COL19A1: variants seen among roughly 807,000 people sequenced by gnomAD.
COL19A1 encodes the protein collagen alpha-1(XIX) chain.
COL19A1 carries 159 observed loss-of-function variants against 190.2 expected under a neutral mutation model. The ratio of observed to expected loss-of-function variants is 0.84; its 90% CI spans 0.73 to 0.95. The LOEUF is 0.95. Ranked by LOEUF, COL19A1 falls within the 40% of genes least tolerant of loss-of-function variation. COL19A1 has a pLI of 0.00. For synonymous variants in COL19A1, 509 were observed against 458.9 expected, an observed-to-expected ratio of 1.11 and a Z score of -1.39; for missense variants, 1,418 against 1,431.9, an observed-to-expected ratio of 0.99 and a Z score of 0.16.
In COL19A1 at chr6:70,163,204, G is replaced by T. The variant is rs76975126; in HGVS notation, c.2347-139G>T. On this transcript the variant is annotated intron_variant, in intron 35 of 50. Transcript: ENST00000620364. The stretch of plus-strand genomic sequence containing the variant: ...CAGGATACAGCTGCTGTATCAGCCA[G>T]AAGAAACATAAGCTTCTAGGGCTTA... 563 of 742,974 alleles carry T rather than the reference G, an allele frequency of 7.6e-4. 1 individual carries two copies. The African/African-American group carries it at 9.2e-3, about 12-fold the overall frequency. 46.0% of individuals were successfully genotyped at this position (742,974 alleles called of 1,614,324 possible). A position where few individuals can be genotyped will look rare whatever the true frequency, so the allele number is the denominator to read the frequency against.
intron 14 of COL19A1, among the ~76,000 whole-genome samples, chr6:70,046,151 C>G (rs1779903007): frequency 6.6e-6 from 1 of 152,186 alleles, no homozygotes; most frequent in African/African-American, 2.4e-5. Flanking sequence ...TTTACTTATT[C>G]TATTGACCTT....
intron 49 of COL19A1, 37 bp from the exon 50 acceptor site, chr6:70,206,863 CT>C (rs779969265): frequency 4.4e-6 from 7 of 1,585,202 alleles, no homozygotes; most frequent in Non-Finnish European, 6.0e-6. Context: ...CCATAGAACC[CT>C]TTTTGTGTGT....
chr6:70,035,753 T>C (rs1344806305), intron 13 of COL19A1, 151 bp from the exon 14 acceptor site: 3 of 601,608 alleles, frequency 5.0e-6, no homozygotes, highest in African/African-American at 3.7e-5. Context: ...TGATATATTT[T>C]CTTTATGCAG....
Position 69,932,920 on chromosome 6 carries a change from C to CA in COL19A1, c.747+58dup, listed in dbSNP as rs1223072974. 8 of 1,207,304 alleles carry CA rather than the reference C, an allele frequency of 6.6e-6. No individual in the cohort carries two copies. The African/African-American group carries it at 1.1e-4, about 16-fold the overall frequency. 74.8% of individuals were successfully genotyped at this position (1,207,304 alleles called of 1,614,324 possible). A position where few individuals can be genotyped will look rare whatever the true frequency, so the allele number is the denominator to read the frequency against. Reference sequence around the variant, plus strand: ...AAGAACGCCAATTATCTTTTAGTGGCATAGTTTGTAGAGTCCAAATGTAGG... The same window carrying CA: ...AAGAACGCCAATTATCTTTTAGTGGCAATAGTTTGTAGAGTCCAAATGTAGG... On this transcript the variant is annotated intron_variant, in intron 7 of 50. Coordinates refer to ENST00000620364, the MANE Select transcript of COL19A1 (RefSeq NM_001858.6).
chr6:70,100,500 C>T (rs1265166428), intron 15 of COL19A1, among the ~76,000 whole-genome samples: 3 of 150,994 alleles, frequency 2.0e-5, no homozygotes, highest in Admixed American at 6.6e-5. Flanking sequence ...TAAGAGAAAA[C>T]ACTACTATTA....
At chr6:70,175,680 T>C (rs1021257817) in intron 41 of COL19A1, among the ~76,000 whole-genome samples, 15 of 152,132 alleles carry the variant, frequency 9.9e-5, no homozygotes, top group Non-Finnish European at 2.1e-4. Context: ...TCTTTATTAT[T>C]ATTCTTTTAA....
chr6:70,059,158 T>A (rs1252692311), intron 14 of COL19A1, among the ~76,000 whole-genome samples: 1 of 152,152 alleles, frequency 6.6e-6, no homozygotes, highest in Non-Finnish European at 1.5e-5. Context: ...TTCAAGTCTA[T>A]GAAGCATATT....
intron 48 of COL19A1, among the ~76,000 whole-genome samples, chr6:70,191,659 G>T (rs914120725): frequency 1.3e-5 from 2 of 152,122 alleles, no homozygotes; most frequent in African/African-American, 4.8e-5. Context: ...TATTTGCAAG[G>T]AATTGACAGT....
Position 69,963,189 on chromosome 6 carries a change from T to C in COL19A1, c.1026+319T>C, listed in dbSNP as rs1463825028. Among the ~76,000 whole-genome samples the C allele has an allele frequency of 7.9e-5, 12 of 152,332 alleles. No homozygotes were observed. The East Asian group carries it at 2.3e-3, about 29-fold the overall frequency. Reference sequence around the variant, plus strand: ...CATTCACTCACTAAGTATCCAATTATTTAAATAAATGTTTGTTTTTATGTA... The same window carrying C: ...CATTCACTCACTAAGTATCCAATTACTTAAATAAATGTTTGTTTTTATGTA... On this transcript the variant is annotated intron_variant, in intron 11 of 50. Transcript: ENST00000620364.
chr6:69,946,520 G>C (rs188447878), intron 9 of COL19A1, among the ~76,000 whole-genome samples: 44 of 151,990 alleles, frequency 2.9e-4, no homozygotes, highest in African/African-American at 8.4e-4. Flanking sequence ...TTAGCACTTA[G>C]ATATTTACGA....
chr6:69,983,456 T>C (rs924753139), intron 11 of COL19A1, among the ~76,000 whole-genome samples: 1 of 152,132 alleles, frequency 6.6e-6, no homozygotes, highest in Non-Finnish European at 1.5e-5. Flanking sequence ...TCTTATTTCT[T>C]GGATTTTTTT....
chr6:69,976,232 A>G (rs1333013297), intron 11 of COL19A1, among the ~76,000 whole-genome samples: 1 of 152,154 alleles, frequency 6.6e-6, no homozygotes, highest in Non-Finnish European at 1.5e-5. Flanking sequence ...GTCCTCTCCT[A>G]TCTTAACGTC....
At chr6:70,031,576 C>T (rs1449754659) in intron 12 of COL19A1, among the ~76,000 whole-genome samples, 1 of 152,040 alleles carries the variant, frequency 6.6e-6, no homozygotes, top group Non-Finnish European at 1.5e-5. Context: ...TCTTTTTGTG[C>T]CTGGCTTACT....
At chr6:70,008,580 T>G (rs944680111) in intron 11 of COL19A1, among the ~76,000 whole-genome samples, 1 of 151,956 alleles carries the variant, frequency 6.6e-6, no homozygotes, top group Non-Finnish European at 1.5e-5. Flanking sequence ...GATTCAGATG[T>G]CTTTAATTCT....
At chr6:70,082,759 CT>C (rs1184042293) in intron 15 of COL19A1, among the ~76,000 whole-genome samples, 1 of 152,098 alleles carries the variant, frequency 6.6e-6, no homozygotes, top group Non-Finnish European at 1.5e-5. Context: ...GATCCCCAAC[CT>C]TTTTTGGCAC....
intron 11 of COL19A1, among the ~76,000 whole-genome samples, chr6:70,008,149 C>A (rs1294523370): frequency 6.6e-6 from 1 of 151,366 alleles, no homozygotes; most frequent in Non-Finnish European, 1.5e-5. Context: ...ATATCAATAA[C>A]CAAGTATGTA....
At chr6:70,069,699 T>C (rs1363149221) in intron 15 of COL19A1, among the ~76,000 whole-genome samples, 1 of 152,156 alleles carries the variant, frequency 6.6e-6, no homozygotes, top group East Asian at 1.9e-4. Context: ...AATTAAATGC[T>C]CCTCCCTTTT....
intron 11 of COL19A1, among the ~76,000 whole-genome samples, chr6:70,001,023 T>C (rs1777228437): frequency 6.6e-6 from 1 of 152,210 alleles, no homozygotes; most frequent in Admixed American, 6.5e-5. Flanking sequence ...AAGTCTTTAA[T>C]CCATCTTGAG....
chr6:69,910,912 G>T (rs1036274225), intron 4 of COL19A1, among the ~76,000 whole-genome samples: 1 of 152,126 alleles, frequency 6.6e-6, no homozygotes, highest in African/African-American at 2.4e-5. Context: ...TCCTTAGGTG[G>T]TTGCAAATGC....
Sources: gnomAD v4.1 joint callset for allele counts (sites outside exome capture counted in the v4.1 genomes callset) on GRCh38, gnomAD v4.1.1 for gene constraint, MANE v1.5 for transcripts, NCBI Gene and HGNC (gene_info 2026-07-23, HGNC 2026-07-21) for gene names.